CRYBG2: variants seen among roughly 807,000 people sequenced by gnomAD.
The protein encoded by CRYBG2 is beta/gamma crystallin domain-containing protein 2.
A neutral mutation model predicts 153.4 loss-of-function variants in CRYBG2; 106 were observed. The ratio of observed to expected loss-of-function variants is 0.69; its 90% CI spans 0.59 to 0.81. CRYBG2 has a LOEUF of 0.81. CRYBG2 is among the 30% of genes least tolerant of loss of function. The pLI is 0.00. For missense variants in CRYBG2, 1,996 were observed against 2,112.0 expected (o/e 0.95, Z 1.08); for synonymous variants, 851 against 877.8 (o/e 0.97, Z 0.54).
At chr1:26,323,488 G>C (rs767940729) in intron 18 of CRYBG2, among the ~76,000 whole-genome samples, 19 of 152,160 alleles carry the variant, frequency 1.2e-4, no homozygotes, top group Non-Finnish European at 2.1e-4. Context: ...TCCCCACTAG[G>C]ATGTAAGCTT....
chr1:26,329,982 G>A (rs1037255878), intron 15 of CRYBG2, among the ~76,000 whole-genome samples: 3 of 152,126 alleles, frequency 2.0e-5, no homozygotes, highest in Non-Finnish European at 2.9e-5. Context: ...TGATCTGCCC[G>A]CCTTGGCTTC....
At chr1:26,323,268 A>T (rs1208756920) in intron 18 of CRYBG2, among the ~76,000 whole-genome samples, 1 of 151,732 alleles carries the variant, frequency 6.6e-6, no homozygotes, top group Non-Finnish European at 1.5e-5. Flanking sequence ...TTTTGTGGAG[A>T]TGGCATCTCA....
At chr1:26,333,045 A>AAAAAAAAAAAAAAAAAAAAAC (rs2074016334) in intron 14 of CRYBG2, among the ~76,000 whole-genome samples, 1 of 138,736 alleles carries the variant, frequency 7.2e-6, no homozygotes, top group Non-Finnish European at 1.5e-5. Flanking sequence ...AAAAAAAAAA[A>AAAAAAAAAAAAAAAAAAAAAC]AGATTTCTAA....
chr1:26,324,307 G>A lies in CRYBG2; in HGVS notation c.4582C>T (p.Arg1528Trp), dbSNP rs752541265. The change falls in exon 18 of 20, where the codon CGG becomes TGG. Residue 1528 changes from arginine (R) to tryptophan (W), a missense_variant. Coordinates refer to ENST00000308182, the MANE Select transcript of CRYBG2 (RefSeq NM_001039775.4). ...GCATTCCAGAGGCGGAAATAAACCC[G>A]GCGCTGGTGGCAGAAAGAGGCTGAG... ...VGSLYPIKQR[R>W]VYFRLWNAAL... 20 of 1,603,908 alleles carry A rather than the reference G, an allele frequency of 1.2e-5. No individual in the cohort carries two copies. In the Admixed American group the frequency reaches 2.2e-4, roughly 17 times the overall value.
In CRYBG2 at chr1:26,336,420, CT is replaced by C. The variant is rs774485771; in HGVS notation, c.4039-51del. 2.5e-6 allele frequency: 4 copies of C among 1,602,564 alleles called. No homozygotes were observed. Among genetic ancestry groups the C allele is most frequent in the Non-Finnish European group, 1.7e-6 (2 of 1,174,568 alleles). On this transcript the variant is annotated intron_variant, in intron 12 of 19. Transcript: ENST00000308182. This position sits in a 1 kb window ranked among gnomAD's most constrained non-coding sequence, Gnocchi z 4.9. ...ATTAGGGAGGGTGCCGGCCCCTAGC[CT>C]TGTCTTCTCTAGGTTTCAGTACCGT... is the stretch of plus-strand genomic sequence containing the variant.
chr1:26,343,038 C>G lies in CRYBG2; in HGVS notation c.3074+9G>C. On this transcript the variant is annotated intron_variant, in intron 4 of 19. Coordinates refer to ENST00000308182, the MANE Select transcript of CRYBG2 (RefSeq NM_001039775.4). The surrounding 1 kb of genome is among the most constrained non-coding windows in gnomAD (Gnocchi z 4.1). ...CAGCCAAGTGCCTTGCTGGGCACTC[C>G]CCACTCACCAGCCTCGAACTACCCT... The G allele has an allele frequency of 6.5e-7, 1 of 1,544,342 alleles. No homozygotes were observed. Among genetic ancestry groups the G allele is most frequent in the Non-Finnish European group, 8.8e-7 (1 of 1,142,458 alleles).
intron 14 of CRYBG2, among the ~76,000 whole-genome samples, chr1:26,332,089 C>T (rs1313914963): frequency 2.6e-5 from 4 of 151,990 alleles, no homozygotes; most frequent in Admixed American, 1.3e-4. Context: ...GGGCAGATCA[C>T]GAGGTCAGGA....
At chr1:26,352,744 A>C (rs2074299902) in intron 1 of CRYBG2, among the ~76,000 whole-genome samples, 4 of 130,334 alleles carry the variant, frequency 3.1e-5, no homozygotes, top group African/African-American at 8.5e-5. Flanking sequence ...CCCCCAGCTA[A>C]CCCTACTTCT....
intron 14 of CRYBG2, among the ~76,000 whole-genome samples, chr1:26,333,888 A>G (rs2074025499): frequency 1.3e-5 from 2 of 152,180 alleles, no homozygotes; most frequent in Admixed American, 6.5e-5. Flanking sequence ...GTGTGATCAT[A>G]GTTTACTGCA....
chr1:26,345,650 A>G lies in CRYBG2; in HGVS notation c.1008T>C (p.Ser336=). Residue 336 remains serine, a synonymous_variant, in exon 2 of 20, where the codon AGT becomes AGC. Coordinates refer to ENST00000308182, the MANE Select transcript of CRYBG2 (RefSeq NM_001039775.4). ...CELWQVLGAP[S]STELPLQTSQ... ...AAGTCTGGAGAGGGAGCTCAGTGGAACTGGGGGCTCCCAGCACCTGCCAGA... is the reference window on the plus strand; with the variant it reads ...AAGTCTGGAGAGGGAGCTCAGTGGAGCTGGGGGCTCCCAGCACCTGCCAGA... The G allele has an allele frequency of 6.3e-7, 1 of 1,598,790 alleles. No individual in the cohort carries two copies. The highest frequency in any genetic ancestry group is 8.5e-7 in the Non-Finnish European group (1 of 1,179,728).
chr1:26,336,144 C>A lies in CRYBG2; in HGVS notation c.4135G>T (p.Ala1379Ser), dbSNP rs372231666. ...DHFSFEDDQA[A>S]LPASFRPQSC... is the part of the protein sequence containing the mutation. ...TGAGGTCGGAAGGAGGCGGGCAGAG[C>A]GGCCTGGTCATCTTCGAAAGAGAAG... Residue 1379 changes from alanine (A) to serine (S), a missense_variant, in exon 14 of 20, where the codon GCT (alanine) becomes TCT (serine). By Grantham distance (99) the Ala-to-Ser change is moderately conservative (BLOSUM62 1). Transcript: ENST00000308182. This position sits in a 1 kb window ranked among gnomAD's most constrained non-coding sequence, Gnocchi z 4.9. 3.3e-5 allele frequency: 50 copies of A among 1,534,118 alleles called. No individual in the cohort carries two copies. The highest frequency in any genetic ancestry group is 7.3e-5 in the East Asian group (3 of 40,994).
In CRYBG2 at chr1:26,331,527, C is replaced by T. The variant is rs779949256; in HGVS notation, c.4276G>A (p.Ala1426Thr). ...TGGAGAGAGCCCAGGACTGTGGAGG[C>T]GAGGCAGCCCATGGCCGTGAGAGTG... ...FPTLTAMGCLASTVLGSLQKV... is the reference protein window; with the variant it reads ...FPTLTAMGCLTSTVLGSLQKV... Residue 1426 changes from alanine to threonine, a missense_variant, in exon 15 of 20, where the codon GCC becomes ACC. Transcript: ENST00000308182. 34 of 1,613,962 alleles carry T rather than the reference C, an allele frequency of 2.1e-5. No homozygotes were observed. The highest frequency in any genetic ancestry group is 1.2e-4 in the Admixed American group (7 of 60,006).
At chr1:26,342,963 C>T in intron 4 of CRYBG2, 80 bp from the exon 5 acceptor site, 1 of 1,568,666 alleles carries the variant, frequency 6.4e-7, no homozygotes. Context: ...GGGGTTTCTC[C>T]CAGGCTGGAC....
At chr1:26,335,974 G>C (rs2074048256) in intron 14 of CRYBG2, 121 bp downstream of exon 14, 2 of 738,892 alleles carry the variant, frequency 2.7e-6, no homozygotes, top group Non-Finnish European at 2.1e-6. Context: ...TTTTAAAATT[G>C]CGCAAGACAG....
chr1:26,324,504 T>TCA (rs10611174), intron 17 of CRYBG2, among the ~76,000 whole-genome samples, 194 bp from the exon 18 acceptor site: 1,489 of 126,558 alleles, frequency 0.012, 20 homozygotes, highest in South Asian at 0.083. Flanking sequence ...TCTCTCTCTC[T>TCA]CACACACACA....
In CRYBG2 at chr1:26,339,329, T is replaced by A; in HGVS notation, c.3305A>T (p.Lys1102Met). The A allele has an allele frequency of 1.2e-6, 2 of 1,614,200 alleles. No individual in the cohort carries two copies. Among genetic ancestry groups the A allele is most frequent in the Non-Finnish European group, 1.7e-6 (2 of 1,180,024 alleles). The change falls in exon 6 of 20, where the codon AAG (lysine) becomes ATG (methionine). Residue 1102 changes from lysine to methionine, a missense_variant. Coordinates refer to ENST00000308182, the MANE Select transcript of CRYBG2 (RefSeq NM_001039775.4). ...EALKNSQGLE[K>M]PLQVASATVS... ...GGTGGCAGATGCCACCTGCAGGGGC[T>A]TCTCCAGACCCTGGGAATTCTTCAA...
chr1:26,329,547 A>AATAGGGGATTGGAG (rs2073975115), intron 15 of CRYBG2, among the ~76,000 whole-genome samples: 1 of 136,036 alleles, frequency 7.4e-6, no homozygotes, highest in Non-Finnish European at 1.6e-5. Flanking sequence ...TGGTGCAATC[A>AATAGGGGATTGGAG]CGGCTCACTG....
chr1:26,336,054 T>C lies in CRYBG2; in HGVS notation c.4184+41A>G, dbSNP rs910558748. The stretch of plus-strand genomic sequence containing the variant: ...GACTCTCCTCCTGCAGCCCCGCCTC[T>C]GCCCCAGCGCCCCCAGCCCTCCGCC... On this transcript the variant is annotated intron_variant, in intron 14 of 19. Transcript: ENST00000308182. This position sits in a 1 kb window ranked among gnomAD's most constrained non-coding sequence, Gnocchi z 4.9. 3 of 1,396,600 alleles carry C rather than the reference T, an allele frequency of 2.1e-6. No homozygotes were observed. The highest frequency in any genetic ancestry group is 2.9e-6 in the Non-Finnish European group (3 of 1,051,244). 86.5% of individuals were successfully genotyped at this position (1,396,600 alleles called of 1,614,324 possible).
intron 8 of CRYBG2, 23 bp downstream of exon 8, chr1:26,337,989 G>A: frequency 6.2e-7 from 1 of 1,611,236 alleles, no homozygotes; most frequent in African/African-American, 1.3e-5. Flanking sequence ...GGCCCTCTTT[G>A]GCTCTTAAGC....
Sources: gnomAD v4.1 joint callset for allele counts (sites outside exome capture counted in the v4.1 genomes callset) on GRCh38, gnomAD v4.1.1 for gene constraint, Gnocchi (gnomAD v3.1) non-coding constraint, MANE v1.5 for transcripts, NCBI Gene and HGNC (gene_info 2026-07-23, HGNC 2026-07-21) for gene names.